CEP72: variants seen among roughly 807,000 people sequenced by gnomAD.
CEP72 encodes centrosomal protein 72, also known as centrosomal protein of 72 kDa.
In CEP72, 78 loss-of-function variants were observed where a neutral mutation model predicts 65.7. The ratio of observed to expected loss-of-function variants is 1.19; its 90% CI spans 0.99 to 1.43. The LOEUF is 1.43. CEP72 is among the 40% of genes most tolerant of loss of function. CEP72 has a pLI of 0.00. For synonymous variants in CEP72, 358 were observed against 351.7 expected (o/e 1.02, Z -0.20); for missense variants, 914 against 832.9 (o/e 1.10, Z -1.20).
chr5:674,523 T>A, the CEP72 span, among the ~76,000 whole-genome samples: 1 of 152,014 alleles, frequency 6.6e-6, no homozygotes, highest in Non-Finnish European at 1.5e-5. Context: ...CTTGGCAGAG[T>A]GAGTTCTGGG....
downstream of CEP72, among the ~76,000 whole-genome samples, chr5:658,624 CTT>C (rs886618613): frequency 1.3e-4 from 13 of 100,948 alleles, no homozygotes; most frequent in South Asian, 3.6e-4. Flanking sequence ...GTTTCTTTCT[CTT>C]GTTTTATCAG....
downstream of CEP72, chr5:660,531 A>G (rs1428132674): frequency 6.6e-6 from 1 of 152,370 alleles, no homozygotes; most frequent in Non-Finnish European, 1.5e-5. Flanking sequence ...GTCCAGCCTC[A>G]TCTTCCCCCT....
Position 651,521 on chromosome 5 carries a change from C to G in CEP72, c.1779-1467C>G, listed in dbSNP as rs961193749. Among the ~76,000 whole-genome samples the G allele has an allele frequency of 3.3e-5, 5 of 151,994 alleles. No homozygotes were observed. In the East Asian group the frequency reaches 5.8e-4, roughly 18 times the overall value. On this transcript the variant is annotated intron_variant, in intron 11 of 11. Transcript: ENST00000264935. ...GCGGTAGTCCGGCAGCTGTGCTTCC[C>G]CCTTCACTGCAGTGCGTGTTCAGTT... is the stretch of plus-strand genomic sequence containing the variant.
intron 4 of CEP72, chr5:666,109 C>T (rs768821190): frequency 8.9e-6 from 14 of 1,572,770 alleles, no homozygotes; most frequent in East Asian, 4.6e-5. Flanking sequence ...GGTGATGGTC[C>T]GGCAAGACTT....
chr5:649,719 A>G (rs2126820650), intron 11 of CEP72, among the ~76,000 whole-genome samples: 1 of 63,692 alleles, frequency 1.6e-5, no homozygotes, highest in Admixed American at 2.2e-4. Flanking sequence ...GTGAGGGGTG[A>G]CCGTGAGGCG....
chr5:624,730 G>A lies in CEP72; in HGVS notation c.512+151G>A, dbSNP rs1484170524. 4 of 652,198 alleles carry A rather than the reference G, an allele frequency of 6.1e-6. No individual in the cohort carries two copies. Among genetic ancestry groups the A allele is most frequent in the South Asian group, 3.5e-5 (2 of 57,768 alleles). 40.4% of individuals were successfully genotyped at this position (652,198 alleles called of 1,614,324 possible). A position where few individuals can be genotyped will look rare whatever the true frequency, so the allele number is the denominator to read the frequency against. On this transcript the variant is annotated intron_variant, in intron 4 of 11. Transcript: ENST00000264935. This position sits in a 1 kb window ranked among gnomAD's most constrained non-coding sequence, Gnocchi z 4.7. ...GCAGAGCCTGCCTGGCGGGGACTCCGTGGACAGTGGGACGGGGCCTCTCTC... is the reference window on the plus strand; with the variant it reads ...GCAGAGCCTGCCTGGCGGGGACTCCATGGACAGTGGGACGGGGCCTCTCTC...
intron 11 of CEP72, among the ~76,000 whole-genome samples, chr5:650,125 TG>T (rs1390109335): frequency 1.3e-5 from 1 of 77,386 alleles, no homozygotes; most frequent in Non-Finnish European, 2.3e-5. Context: ...CTGTGAGGCG[TG>T]GACTGTGAGG....
intron 9 of CEP72, chr5:643,410 T>C: frequency 3.0e-6 from 3 of 985,404 alleles, no homozygotes; most frequent in Non-Finnish European, 3.6e-6. Flanking sequence ...CGGGCCAAGA[T>C]AAGCCTGAGG....
chr5:647,769 T>G (rs1738515666), intron 10 of CEP72, 36 bp from the exon 11 acceptor site: 2 of 1,359,068 alleles, frequency 1.5e-6, no homozygotes, highest in African/African-American at 2.9e-5. Flanking sequence ...TGAGTTTTAC[T>G]CATTAATGGT....
chr5:637,688 G>A lies in CEP72; in HGVS notation c.1076G>A (p.Gly359Glu). ...TTGGGCTGCCCGGAGAGAACTCATG[G>A]GTCCTCCGTGCCCAAGGAGAGCCTG... is the stretch of plus-strand genomic sequence containing the variant. Reference protein sequence around the residue: ...EGLGCPERTHGSSVPKESLSR... With the variant: ...EGLGCPERTHESSVPKESLSR... The change falls in exon 7 of 12, where the codon GGG becomes GAG. Residue 359 changes from glycine (G) to glutamate (E), a missense_variant. Transcript: ENST00000264935. 1 of 1,613,830 alleles carries A rather than the reference G, an allele frequency of 6.2e-7. No individual in the cohort carries two copies.
intron 8 of CEP72, 150 bp from the exon 9 acceptor site, chr5:640,258 G>C (rs983971664): frequency 9.7e-6 from 10 of 1,026,058 alleles, no homozygotes; most frequent in Non-Finnish European, 1.4e-5. Context: ...GCCTGAGGTG[G>C]TTTTGTGGCG....
intron 4 of CEP72, among the ~76,000 whole-genome samples, chr5:632,738 C>T (rs1737278358): frequency 3.2e-5 from 1 of 31,092 alleles, no homozygotes; most frequent in Non-Finnish European, 6.3e-5. Flanking sequence ...GGATTTGGCC[C>T]AGTCCTGGTG....
intron 5 of CEP72, among the ~76,000 whole-genome samples, chr5:634,858 T>G (rs930854194): frequency 3.9e-5 from 6 of 152,226 alleles, no homozygotes; most frequent in African/African-American, 1.4e-4. Flanking sequence ...TTTAATTTCA[T>G]TACAGTCCAG....
chr5:643,015 G>C (rs1738160447), intron 9 of CEP72: 3 of 985,504 alleles, frequency 3.0e-6, no homozygotes, highest in Non-Finnish European at 3.6e-6. Context: ...CTTGGGTGCA[G>C]TCGGTCCTCT....
In CEP72 at chr5:623,610, T is replaced by C. The variant is rs1736540318; in HGVS notation, c.404-861T>C. Reference sequence around the variant, plus strand: ...AAGCGAGTCTTGGTGGGCAGAGAGCTATGCGTCGTTAGTGCGGGGCTGGTG... The same window carrying C: ...AAGCGAGTCTTGGTGGGCAGAGAGCCATGCGTCGTTAGTGCGGGGCTGGTG... On this transcript the variant is annotated intron_variant, in intron 3 of 11. Coordinates refer to ENST00000264935, the MANE Select transcript of CEP72 (RefSeq NM_018140.4). This position sits in a 1 kb window ranked among gnomAD's most constrained non-coding sequence, Gnocchi z 5.3. 6.6e-6 allele frequency among the ~76,000 whole-genome samples: 1 copy of C among 151,866 alleles called. No individual in the cohort carries two copies. The highest frequency in any genetic ancestry group is 2.4e-5 in the African/African-American group (1 of 41,322).
intron 5 of CEP72, 33 bp downstream of exon 5, chr5:633,980 T>A: frequency 6.3e-7 from 1 of 1,596,544 alleles, no homozygotes; most frequent in Non-Finnish European, 8.5e-7. Context: ...GGCCAGTGGG[T>A]CCGCTGGCTC....
At chr5:634,324 C>T (rs1250439334) in intron 5 of CEP72, among the ~76,000 whole-genome samples, 2 of 152,184 alleles carry the variant, frequency 1.3e-5, no homozygotes, top group Admixed American at 6.5e-5. Flanking sequence ...CAGGCCGCCA[C>T]GTGCAGACCT....
chr5:673,467 G>T, the CEP72 span, among the ~76,000 whole-genome samples: 24 of 152,154 alleles, frequency 1.6e-4, no homozygotes, highest in Non-Finnish European at 2.6e-4. Flanking sequence ...AATGGGGAGG[G>T]GGGGAGGTCA....
chr5:666,574 G>A (rs560324310), intron 4 of CEP72, among the ~76,000 whole-genome samples: 12 of 152,306 alleles, frequency 7.9e-5, no homozygotes, highest in African/African-American at 2.9e-4. Context: ...GCCGCCCCCG[G>A]ACACTTGGCA....
Sources: allele counts gnomAD v4.1 joint callset (sites outside exome capture counted in the v4.1 genomes callset), GRCh38; gene constraint gnomAD v4.1.1; non-coding constraint Gnocchi (gnomAD v3.1); transcripts MANE v1.5; gene names NCBI Gene and HGNC (gene_info 2026-07-23, HGNC 2026-07-21).